CDKAL1: variants seen among roughly 807,000 people sequenced by gnomAD.
CDKAL1 encodes the protein threonylcarbamoyladenosine tRNA methylthiotransferase.
Under a neutral mutation model 68.2 loss-of-function variants are expected in CDKAL1, and 32 were observed. The ratio of observed to expected loss-of-function variants is 0.47; its 90% CI spans 0.35 to 0.63. The LOEUF (loss-of-function observed/expected upper bound fraction) is 0.63. CDKAL1 is among the 30% of genes least tolerant of loss of function. CDKAL1 has a pLI of 0.00. For synonymous variants in CDKAL1, 234 were observed against 244.3 expected (o/e 0.96, Z 0.39); for missense variants, 606 against 696.7 (o/e 0.87, Z 1.47).
At chr6:20,666,688 CTT>C (rs35042364) in intron 5 of CDKAL1, among the ~76,000 whole-genome samples, 17,973 of 135,746 alleles carry the variant, frequency 0.13, 1,337 homozygotes, top group East Asian at 0.39. Context: ...CCAAAGAATC[CTT>C]TTTTTTTTTT....
At chr6:20,860,917 C>G (rs577412516) in intron 9 of CDKAL1, among the ~76,000 whole-genome samples, 3 of 144,910 alleles carry the variant, frequency 2.1e-5, no homozygotes, top group South Asian at 2.2e-4. Context: ...TAGAAACATT[C>G]TGCGTAGTGT....
chr6:21,221,651 G>A (rs1779543117), intron 15 of CDKAL1, among the ~76,000 whole-genome samples: 1 of 152,170 alleles, frequency 6.6e-6, no homozygotes, highest in Admixed American at 6.5e-5. Context: ...TTCAGGCATG[G>A]TGGGGGGAAA....
intron 8 of CDKAL1, among the ~76,000 whole-genome samples, chr6:20,794,665 A>G (rs1776038577): frequency 6.6e-6 from 1 of 152,090 alleles, no homozygotes; most frequent in Non-Finnish European, 1.5e-5. Context: ...TAGAGATTTA[A>G]AATCTTTTCA....
At chr6:20,980,642 C>T (rs548065705) in intron 10 of CDKAL1, among the ~76,000 whole-genome samples, 12 of 151,724 alleles carry the variant, frequency 7.9e-5, no homozygotes, top group African/African-American at 2.2e-4. Context: ...CAGTCTTTAA[C>T]GGCATGGATG....
rs140861870 is a variant in CDKAL1, at chr6:20,955,561, G to A, written c.885G>A (p.Pro295=). The A allele has an allele frequency of 1.4e-5, 23 of 1,613,874 alleles. No homozygotes were observed. Among genetic ancestry groups the A allele is most frequent in the African/African-American group, 2.7e-5 (2 of 74,878 alleles). ...TGCTGAGGCTTGGCATGACAAATCC[G>A]CCCTATATTTTAGAGCATCTGGAGG... is the stretch of plus-strand genomic sequence containing the variant. The part of the protein sequence containing the change: ...GAMLRLGMTN[P]PYILEHLEEM... The change falls in exon 10 of 16, where the codon CCG becomes CCA. Residue 295 remains proline (P), a synonymous_variant. Transcript: ENST00000274695.
chr6:21,205,809 G>T (rs1312189978), intron 15 of CDKAL1, among the ~76,000 whole-genome samples: 1 of 142,370 alleles, frequency 7.0e-6, no homozygotes, highest in Non-Finnish European at 1.5e-5. Context: ...GGGATTACAT[G>T]CGTGAGCCCC....
At chr6:20,796,344 A>G (rs548521980) in intron 8 of CDKAL1, among the ~76,000 whole-genome samples, 1 of 152,130 alleles carries the variant, frequency 6.6e-6, no homozygotes, top group East Asian at 1.9e-4. Context: ...AAGAAATCAA[A>G]GAAGATCTAA....
In CDKAL1 at chr6:20,928,289, T is replaced by A. The variant is rs375427296; in HGVS notation, c.743-27130T>A. The stretch of plus-strand genomic sequence containing the variant: ...TTGCAAGTAATTGTTCAATAGTTCT[T>A]CATGGGATGTGAAGAAACTAGTTTT... On this transcript the variant is annotated intron_variant, in intron 9 of 15. Transcript: ENST00000274695. Among the ~76,000 whole-genome samples the A allele has an allele frequency of 1.6e-3, 239 of 152,346 alleles. 8 individuals are homozygous for A. In the South Asian group the frequency reaches 0.047, roughly 30 times the overall value.
chr6:21,023,869 G>A (rs991643695), intron 11 of CDKAL1, among the ~76,000 whole-genome samples: 1 of 152,004 alleles, frequency 6.6e-6, no homozygotes, highest in African/African-American at 2.4e-5. Context: ...TCACTTTAGT[G>A]GGTACGTTAG....
chr6:20,658,506 A>G (rs1008614961), intron 5 of CDKAL1, among the ~76,000 whole-genome samples: 3 of 152,250 alleles, frequency 2.0e-5, no homozygotes, highest in African/African-American at 7.2e-5. Flanking sequence ...AGCACCTTCC[A>G]TGCTATTCTG....
intron 11 of CDKAL1, among the ~76,000 whole-genome samples, chr6:21,011,781 C>A (rs954699110): frequency 2.0e-4 from 30 of 152,076 alleles, no homozygotes; most frequent in African/African-American, 6.8e-4. Flanking sequence ...CACAATTATA[C>A]TTTATAGGTT....
At chr6:21,112,898 C>T (rs1320213711) in intron 13 of CDKAL1, among the ~76,000 whole-genome samples, 1 of 152,088 alleles carries the variant, frequency 6.6e-6, no homozygotes, top group African/African-American at 2.4e-5. Context: ...TTCTTCGGTC[C>T]CTCATCCACA....
At position 20,946,067 on chromosome 6, in the gene CDKAL1, A is replaced by C. The variant is rs76809489; in HGVS notation, c.743-9352A>C. 2.0e-5 allele frequency among the ~76,000 whole-genome samples: 3 copies of C among 152,332 alleles called. No individual in the cohort carries two copies. In the East Asian group the frequency reaches 5.8e-4, roughly 29 times the overall value. On this transcript the variant is annotated intron_variant, in intron 9 of 15. Transcript: ENST00000274695. ...AAGTTATTGAGAGCTTTCACTGGCAAGTATAATATACATATTGCATAATTA... is the reference window on the plus strand; with the variant it reads ...AAGTTATTGAGAGCTTTCACTGGCACGTATAATATACATATTGCATAATTA...
chr6:21,225,963 GATGCACAAATACTAGC>G (rs1383726518), intron 15 of CDKAL1, among the ~76,000 whole-genome samples: 4 of 152,148 alleles, frequency 2.6e-5, no homozygotes, highest in African/African-American at 9.7e-5. Context: ...AAAACCCTAT[GATGCACAAATACTAGC>G]AGTATCTCCA....
chr6:21,198,139 A>G, intron 14 of CDKAL1, 35 bp downstream of exon 14: 1 of 1,382,556 alleles, frequency 7.2e-7, no homozygotes. Flanking sequence ...AGTTTTCTCC[A>G]AAGTGAGAAA....
At chr6:21,068,330 T>G (rs1771571590) in intron 12 of CDKAL1, among the ~76,000 whole-genome samples, 1 of 152,178 alleles carries the variant, frequency 6.6e-6, no homozygotes. Flanking sequence ...TCTAGAAATT[T>G]TATCATTTTG....
intron 13 of CDKAL1, among the ~76,000 whole-genome samples, chr6:21,146,902 G>C (rs1171407693): frequency 6.9e-6 from 1 of 144,896 alleles, no homozygotes; most frequent in Non-Finnish European, 1.5e-5. Context: ...TTCTATCCAA[G>C]ATTTCTTTGG....
chr6:21,205,471 T>TTTTGTTTTGTTTTGTTTTG (rs1778869371), intron 15 of CDKAL1, among the ~76,000 whole-genome samples: 1 of 130,192 alleles, frequency 7.7e-6, no homozygotes, highest in African/African-American at 2.9e-5. Context: ...TTATTTTCTC[T>TTTTGTTTTGTTTTGTTTTG]TTTGTTTTGT....
chr6:21,042,962 G>C (rs964733355), intron 11 of CDKAL1, among the ~76,000 whole-genome samples: 6 of 152,294 alleles, frequency 3.9e-5, no homozygotes, highest in Non-Finnish European at 8.8e-5. Flanking sequence ...CATAGAGATA[G>C]TAATAGTACC....
Sources: gnomAD v4.1 joint callset for allele counts (sites outside exome capture counted in the v4.1 genomes callset) on GRCh38, gnomAD v4.1.1 for gene constraint, MANE v1.5 for transcripts, NCBI Gene and HGNC (gene_info 2026-07-23, HGNC 2026-07-21) for gene names.